The following BEGAIN variants were observed in gnomAD, a reference collection of about 807,000 sequenced individuals.
The protein encoded by BEGAIN is brain-enriched guanylate kinase-associated protein.
A neutral mutation model predicts 35.8 loss-of-function variants in BEGAIN; 19 were observed. That is an observed-to-expected ratio of 0.53 (90% CI 0.37 to 0.78). BEGAIN has a LOEUF of 0.78. Among genes scored for constraint, BEGAIN ranks in the 30% least tolerant of loss-of-function variants. The pLI, the probability that BEGAIN is intolerant of heterozygous loss-of-function variation, is 0.00. For missense variants in BEGAIN, 795 were observed against 853.6 expected (o/e 0.93, Z 0.85); for synonymous variants, 462 against 388.6 (o/e 1.19, Z -2.22).
intron 1 of BEGAIN, among the ~76,000 whole-genome samples, chr14:100,583,539 T>TCCATATCA (rs561720161): frequency 3.3e-3 from 509 of 152,194 alleles, no homozygotes; most frequent in Non-Finnish European, 5.8e-3. Flanking sequence ...CAGTCCTGTA[T>TCCATATCA]CCATATCAAC....
intron 5 of BEGAIN, among the ~76,000 whole-genome samples, chr14:100,541,799 A>G (rs2031660447): frequency 6.6e-6 from 1 of 152,202 alleles, no homozygotes; most frequent in Admixed American, 6.5e-5. Context: ...TGAGGTGGCC[A>G]GCTCTGGGAC....
Position 100,537,940 on chromosome 14 carries a change from G to A in BEGAIN, c.*29C>T, listed in dbSNP as rs577857823. The A allele has an allele frequency of 1.3e-5, 20 of 1,578,180 alleles. No homozygotes were observed. In the African/African-American group the frequency reaches 2.3e-4, roughly 18 times the overall value. ...TGGGGCACGTGGGCTGGCGGGGAGCGAACCACGGCCAGGCCTGCACGCAGG... is the reference window on the plus strand; with the variant it reads ...TGGGGCACGTGGGCTGGCGGGGAGCAAACCACGGCCAGGCCTGCACGCAGG... On this transcript the variant is annotated 3_prime_UTR_variant, in exon 7 of 7. Coordinates refer to ENST00000554140, the MANE Select transcript of BEGAIN (RefSeq NM_001385089.1).
chr14:100,537,170 T>C lies in BEGAIN; in HGVS notation c.*799A>G, dbSNP rs1182806608. On this transcript the variant is annotated 3_prime_UTR_variant, in exon 7 of 7. Coordinates refer to ENST00000554140, the MANE Select transcript of BEGAIN (RefSeq NM_001385089.1). ...GATTCTTTCCACCGGTGTCTTTTAT[T>C]AATGAATGCAAAATACAGTACTAAC... 6.6e-6 allele frequency: 1 copy of C among 152,546 alleles called. No homozygotes were observed. The highest frequency in any genetic ancestry group is 2.4e-5 in the African/African-American group (1 of 41,420). The allele number at this position is 152,546 out of a possible 1,614,324, so 9.4% of individuals were successfully genotyped here. A position where few individuals can be genotyped will look rare whatever the true frequency, so the allele number is the denominator to read the frequency against.
At position 100,573,400 on chromosome 14, in the gene BEGAIN, G is replaced by A. The variant is rs1049531811; in HGVS notation, c.43-5461C>T. On this transcript the variant is annotated intron_variant, in intron 1 of 6. Transcript: ENST00000554140. The surrounding 1 kb of genome is among the most constrained non-coding windows in gnomAD (Gnocchi z 4.2). ...TGGGAAGCATCCCGGTCACCAGTGG[G>A]AAGGAGCAGCTGGGGTGCGGGGCCT... 5.9e-5 allele frequency among the ~76,000 whole-genome samples: 9 copies of A among 152,134 alleles called. 1 individual carries two copies. The highest frequency in any genetic ancestry group is 2.2e-4 in the African/African-American group (9 of 41,426).
intron 1 of BEGAIN, chr14:100,577,176 T>G (rs1395780495): frequency 2.5e-6 from 1 of 397,588 alleles, no homozygotes; most frequent in Non-Finnish European, 4.4e-6. Context: ...AGAGATTCAT[T>G]CTTTTGGCAA....
At chr14:100,585,049 C>G (rs2035404106) in intron 1 of BEGAIN, among the ~76,000 whole-genome samples, 2 of 152,152 alleles carry the variant, frequency 1.3e-5, no homozygotes, top group Non-Finnish European at 2.9e-5. Flanking sequence ...ACCTTCAGGC[C>G]TTGGGCCAGG....
chr14:100,556,727 C>T (rs1464603057), intron 2 of BEGAIN, among the ~76,000 whole-genome samples: 1 of 152,150 alleles, frequency 6.6e-6, no homozygotes, highest in Non-Finnish European at 1.5e-5. Flanking sequence ...TGGAGGTGCC[C>T]GAGGAGAGCC....
chr14:100,540,236 AG>A, intron 6 of BEGAIN: 1 of 529,436 alleles, frequency 1.9e-6, no homozygotes, highest in Non-Finnish European at 3.4e-6. Context: ...AGCCCCCCAA[AG>A]GAAACCGAGG....
At chr14:100,546,451 T>C (rs1187860944) in intron 3 of BEGAIN, 50 bp downstream of exon 3, 1 of 274,584 alleles carries the variant, frequency 3.6e-6, no homozygotes, top group South Asian at 1.4e-4. Flanking sequence ...GCCCCGGCCC[T>C]CGCCCCGCCC....
intron 1 of BEGAIN, among the ~76,000 whole-genome samples, chr14:100,576,255 GA>G (rs2035199451): frequency 2.0e-5 from 3 of 152,156 alleles, no homozygotes; most frequent in African/African-American, 7.2e-5. Context: ...GCCATCCCTG[GA>G]CAGAGCAGGC....
At position 100,563,304 on chromosome 14, in the gene BEGAIN, T is replaced by A. The variant is rs550090271; in HGVS notation, c.71+4607A>T. On this transcript the variant is annotated intron_variant, in intron 2 of 6. Transcript: ENST00000554140. This position sits in a 1 kb window ranked among gnomAD's most constrained non-coding sequence, Gnocchi z 4.2. ...AACCACATGCAAACCCAAGTTCAAG[T>A]GGATGAAAAGCCAATAGCCTCAGTT... Among the ~76,000 whole-genome samples, 1 of 152,328 alleles carries A rather than the reference T, an allele frequency of 6.6e-6. No homozygotes were observed. Among genetic ancestry groups the A allele is most frequent in the Non-Finnish European group, 1.5e-5 (1 of 68,032 alleles).
intron 2 of BEGAIN, among the ~76,000 whole-genome samples, chr14:100,557,497 C>T (rs1264082836): frequency 6.6e-6 from 1 of 152,204 alleles, no homozygotes; most frequent in Admixed American, 6.5e-5. Context: ...CTTTCCAGCT[C>T]AGGCCTGAGG....
chr14:100,575,206 C>T (rs117250491), intron 1 of BEGAIN, among the ~76,000 whole-genome samples: 3,170 of 152,252 alleles, frequency 0.021, 49 homozygotes, highest in African/African-American at 0.026. Flanking sequence ...AGGTTGGTGA[C>T]TGGAAGCCAG....
In BEGAIN at chr14:100,542,120, G is replaced by A. The variant is rs369035743; in HGVS notation, c.409-1541C>T. 5.9e-5 allele frequency among the ~76,000 whole-genome samples: 9 copies of A among 151,730 alleles called. No homozygotes were observed. In the South Asian group the frequency reaches 8.4e-4, roughly 14 times the overall value. On this transcript the variant is annotated intron_variant, in intron 5 of 6. Coordinates refer to ENST00000554140, the MANE Select transcript of BEGAIN (RefSeq NM_001385089.1). ...CACGTTAAGAAGCACCTCCTGTCCC[G>A]AGCCCATGTCCTCCTGTCCTCCTGT...
chr14:100,541,311 C>T (rs2031573978), intron 5 of BEGAIN, among the ~76,000 whole-genome samples: 1 of 152,374 alleles, frequency 6.6e-6, no homozygotes, highest in African/African-American at 2.4e-5. Context: ...CCTGGGGTGG[C>T]CCGGAGGCCC....
chr14:100,539,133 G>A lies in BEGAIN; in HGVS notation c.675C>T (p.Asp225=). 1 of 1,604,712 alleles carries A rather than the reference G, an allele frequency of 6.2e-7. No individual in the cohort carries two copies. Among genetic ancestry groups the A allele is most frequent in the Non-Finnish European group, 8.5e-7 (1 of 1,173,908 alleles). Residue 225 remains aspartate, a synonymous_variant, in exon 7 of 7, where the codon GAC becomes GAT. Transcript: ENST00000554140. ...SSRLSDASAR[D]LAFCDGVEKP... is the part of the protein sequence containing the mutation. The stretch of plus-strand genomic sequence containing the variant: ...TCTCCACCCCGTCGCAGAAGGCCAG[G>A]TCGCGGGCGGAGGCATCGGACAGGC...
chr14:100,563,325 C>G lies in BEGAIN; in HGVS notation c.71+4586G>C, dbSNP rs2034433081. On this transcript the variant is annotated intron_variant, in intron 2 of 6. Coordinates refer to ENST00000554140, the MANE Select transcript of BEGAIN (RefSeq NM_001385089.1). This position sits in a 1 kb window ranked among gnomAD's most constrained non-coding sequence, Gnocchi z 4.2. The stretch of plus-strand genomic sequence containing the variant: ...CAAGTGGATGAAAAGCCAATAGCCT[C>G]AGTTCTTCAGGAGGGTTCCTTAAAC... Among the ~76,000 whole-genome samples the G allele has an allele frequency of 6.6e-6, 1 of 152,224 alleles. No individual in the cohort carries two copies. Among genetic ancestry groups the G allele is most frequent in the African/African-American group, 2.4e-5 (1 of 41,442 alleles).
intron 4 of BEGAIN, among the ~76,000 whole-genome samples, 153 bp from the exon 5 acceptor site, chr14:100,544,118 C>A (rs542573059): frequency 5.0e-4 from 76 of 152,158 alleles, no homozygotes; most frequent in Non-Finnish European, 7.9e-4. Flanking sequence ...CACAGACAGA[C>A]CCTGGTTCAA....
intron 1 of BEGAIN, chr14:100,569,043 C>T: frequency 1.3e-6 from 1 of 752,014 alleles, no homozygotes; most frequent in Non-Finnish European, 1.6e-6. Flanking sequence ...GGCCGCAGCG[C>T]CAAGCTAGAA....
Sources: allele counts gnomAD v4.1 joint callset (sites outside exome capture counted in the v4.1 genomes callset), GRCh38; gene constraint gnomAD v4.1.1; non-coding constraint Gnocchi (gnomAD v3.1); transcripts MANE v1.5; gene names NCBI Gene and HGNC (gene_info 2026-07-23, HGNC 2026-07-21).